The following RYR2 variants were observed in gnomAD, a reference collection of about 807,000 sequenced individuals.
RYR2 encodes the protein ryanodine receptor 2.
In RYR2, 227 loss-of-function variants were observed where a neutral mutation model predicts 601.1. The observed-to-expected ratio is 0.38, with a 90% CI of 0.34 to 0.42. The LOEUF (loss-of-function observed/expected upper bound fraction) is 0.42. Among genes scored for constraint, RYR2 ranks in the 10% least tolerant of loss-of-function variants. The pLI, the probability that RYR2 is intolerant of heterozygous loss-of-function variation, is 1.00. For synonymous variants in RYR2, 2,223 were observed against 2,175.1 expected, an observed-to-expected ratio of 1.02 and a Z score of -0.61; for missense variants, 4,646 against 6,156.5, an observed-to-expected ratio of 0.75 and a Z score of 8.21.
intron 1 of RYR2, among the ~76,000 whole-genome samples, chr1:237,050,197 A>G (rs940968702): frequency 5.9e-5 from 9 of 152,166 alleles, no homozygotes; most frequent in Non-Finnish European, 8.8e-5. Flanking sequence ...GGGTGCAGGT[A>G]CTTACCACCC....
intron 37 of RYR2, among the ~76,000 whole-genome samples, chr1:237,615,152 A>G (rs539121769): frequency 6.6e-6 from 1 of 152,016 alleles, no homozygotes; most frequent in East Asian, 1.9e-4. Flanking sequence ...AGATGCACCC[A>G]TTGTCACATA....
intron 2 of RYR2, among the ~76,000 whole-genome samples, chr1:237,311,980 A>G (rs970306842): frequency 6.6e-6 from 1 of 152,198 alleles, no homozygotes; most frequent in Non-Finnish European, 1.5e-5. Flanking sequence ...GAATATGTGA[A>G]AGAAGTATTA....
At chr1:237,137,426 TTTCCTCAACTCA>T (rs1672916007) in intron 1 of RYR2, among the ~76,000 whole-genome samples, 1 of 152,230 alleles carries the variant, frequency 6.6e-6, no homozygotes, top group African/African-American at 2.4e-5. Context: ...TGAGATATCC[TTTCCTCAACTCA>T]TAATTTCTTG....
At chr1:237,342,348 C>A (rs966443656) in intron 3 of RYR2, among the ~76,000 whole-genome samples, 1 of 131,354 alleles carries the variant, frequency 7.6e-6, no homozygotes, top group African/African-American at 2.9e-5. Flanking sequence ...AAGATAGGTT[C>A]TTGGTATATT....
chr1:237,688,398 G>A (rs534429182), intron 63 of RYR2, among the ~76,000 whole-genome samples: 92 of 151,528 alleles, frequency 6.1e-4, no homozygotes, highest in Non-Finnish European at 1.2e-3. Context: ...ACTGAGGAAC[G>A]GGTATATATA....
chr1:237,621,716 T>C (rs1679095428), intron 38 of RYR2, among the ~76,000 whole-genome samples: 1 of 152,198 alleles, frequency 6.6e-6, no homozygotes, highest in Non-Finnish European at 1.5e-5. Context: ...CATCACATGG[T>C]ACCTCATAAA....
chr1:237,103,482 G>A (rs1288918133), intron 1 of RYR2, among the ~76,000 whole-genome samples: 2 of 152,174 alleles, frequency 1.3e-5, no homozygotes, highest in African/African-American at 2.4e-5. Context: ...CTGAATTATC[G>A]TAACTGCTTC....
In RYR2 at chr1:237,226,068, A is replaced by C. The variant is rs1684332233; in HGVS notation, c.49-44429A>C. ...AGACTCCATCTCAAAAAAAAAAAAA[A>C]ATTAAAGGTGTCCCCTGTAACATTA... On this transcript the variant is annotated intron_variant, in intron 1 of 104. Coordinates refer to ENST00000366574, the MANE Select transcript of RYR2 (RefSeq NM_001035.3). Among the ~76,000 whole-genome samples, 4 of 152,098 alleles carry C rather than the reference A, an allele frequency of 2.6e-5. No individual in the cohort carries two copies. The South Asian group carries it at 8.3e-4, about 32-fold the overall frequency.
intron 1 of RYR2, among the ~76,000 whole-genome samples, chr1:237,065,388 TC>T (rs201620809): frequency 0.026 from 3,893 of 150,062 alleles, 162 homozygotes; most frequent in African/African-American, 0.089. Context: ...CAAGCCATTC[TC>T]CTGCCTCAGC....
intron 14 of RYR2, among the ~76,000 whole-genome samples, chr1:237,454,112 A>G (rs1426564644): frequency 6.6e-6 from 1 of 152,138 alleles, no homozygotes; most frequent in East Asian, 1.9e-4. Flanking sequence ...TGGTTTCTGA[A>G]CATTCCTACT....
intron 1 of RYR2, among the ~76,000 whole-genome samples, chr1:237,119,788 G>A (rs1343000719): frequency 6.6e-6 from 1 of 152,188 alleles, no homozygotes; most frequent in Non-Finnish European, 1.5e-5. Context: ...ACCTGGATGG[G>A]AAGGTCTTGG....
intron 1 of RYR2, among the ~76,000 whole-genome samples, chr1:237,208,970 A>ATATATG (rs1682194948): frequency 1.1e-5 from 1 of 91,532 alleles, no homozygotes; most frequent in Non-Finnish European, 2.5e-5. Flanking sequence ...ATATATATAT[A>ATATATG]TATATATATA....
rs1687747933 is a variant in RYR2 at position 237,254,341 on chromosome 1, AT to A, written c.49-16152del. Among the ~76,000 whole-genome samples the A allele has an allele frequency of 3.3e-5, 5 of 152,326 alleles. No homozygotes were observed. The South Asian group carries it at 1.0e-3, about 32-fold the overall frequency. On this transcript the variant is annotated intron_variant, in intron 1 of 104. Coordinates refer to ENST00000366574, the MANE Select transcript of RYR2 (RefSeq NM_001035.3). ...AAATCACCTTATCTTGAAATAATAG[AT>A]TTTGGATAGAGAGATTTAGGTCTTG...
rs559466961 is a variant in RYR2 at position 237,050,115 on chromosome 1, G to A, written c.48+7546G>A. Among the ~76,000 whole-genome samples the A allele has an allele frequency of 6.6e-4, 100 of 152,202 alleles. 1 individual carries two copies. Among genetic ancestry groups the A allele is most frequent in the African/African-American group, 2.1e-3 (86 of 41,524 alleles). On this transcript the variant is annotated intron_variant, in intron 1 of 104. Transcript: ENST00000366574. ...CCTACACGTAATTGCTTTCATGTTC[G>A]TTACCCAAGTAGGGGACAGAGAGAG...
intron 79 of RYR2, among the ~76,000 whole-genome samples, chr1:237,738,683 T>A (rs1691352145): frequency 6.6e-6 from 1 of 151,866 alleles, no homozygotes; most frequent in Non-Finnish European, 1.5e-5. Flanking sequence ...CTGTTGGAGT[T>A]CATTTTTTTT....
chr1:237,554,036 A>G (rs908630196), intron 27 of RYR2, among the ~76,000 whole-genome samples: 10 of 151,964 alleles, frequency 6.6e-5, no homozygotes, highest in Admixed American at 6.6e-5. Flanking sequence ...TAAAGAATTC[A>G]GAACACTATT....
At chr1:237,722,771 G>A (rs1206560042) in intron 73 of RYR2, among the ~76,000 whole-genome samples, 1 of 152,106 alleles carries the variant, frequency 6.6e-6, no homozygotes, top group Non-Finnish European at 1.5e-5. Context: ...TAGTTAAGGT[G>A]TCCAACAGGA....
At chr1:237,051,902 T>C (rs868765489) in intron 1 of RYR2, among the ~76,000 whole-genome samples, 2 of 152,228 alleles carry the variant, frequency 1.3e-5, no homozygotes, top group Middle Eastern at 3.4e-3. Context: ...AGAGGGAAAC[T>C]TGGTGCCCTG....
chr1:237,446,034 C>A lies in RYR2; in HGVS notation c.1292+512C>A, dbSNP rs7547289. On this transcript the variant is annotated intron_variant, in intron 14 of 104. Coordinates refer to ENST00000366574, the MANE Select transcript of RYR2 (RefSeq NM_001035.3). The stretch of plus-strand genomic sequence containing the variant: ...GTTTCACCATCTTGGCCAGGATGAA[C>A]TCGATCTCTTGACCTCATGATCCGC... 1.5e-3 allele frequency among the ~76,000 whole-genome samples: 232 copies of A among 152,276 alleles called. 2 individuals carry two copies. The highest frequency in any genetic ancestry group is 5.2e-3 in the African/African-American group (216 of 41,556).
Sources: gnomAD v4.1 joint callset for allele counts (sites outside exome capture counted in the v4.1 genomes callset) on GRCh38, gnomAD v4.1.1 for gene constraint, MANE v1.5 for transcripts, NCBI Gene and HGNC (gene_info 2026-07-23, HGNC 2026-07-21) for gene names.